The following PBX1 variants were observed in gnomAD, a reference collection of about 807,000 sequenced individuals.
The protein encoded by PBX1 is pre-B-cell leukemia transcription factor 1.
A neutral mutation model predicts 53.4 loss-of-function variants in PBX1; 6 were observed. The observed-to-expected ratio is 0.11, with a 90% CI of 0.06 to 0.22. The LOEUF (loss-of-function observed/expected upper bound fraction) is 0.22. PBX1 is among the 10% of genes least tolerant of loss of function. The pLI is 1.00. For missense variants in PBX1, 251 were observed against 551.4 expected (o/e 0.46, Z 5.46); for synonymous variants, 204 against 212.3 (o/e 0.96, Z 0.34).
At position 164,858,839 on chromosome 1, in the gene PBX1, C is replaced by T. The variant is rs147406181; in HGVS notation, n.257+27356C>T. ...GCAAAGTTGGTCTTGGACAAAACTA[C>T]GCTGTTATTGAAGTTTGTCTTCATA... is the stretch of plus-strand genomic sequence containing the variant. On this transcript the variant is annotated intron_variant and non_coding_transcript_variant, in intron 2 of 2. Coordinates refer to the PBX1 transcript ENST00000558796. Among the ~76,000 whole-genome samples, 270 of 152,312 alleles carry T rather than the reference C, an allele frequency of 1.8e-3. 2 individuals carry two copies. The highest frequency in any genetic ancestry group is 6.2e-3 in the African/African-American group (257 of 41,570).
intron 2 of PBX1, among the ~76,000 whole-genome samples, chr1:164,614,716 G>A (rs1484331590): frequency 1.3e-5 from 2 of 152,198 alleles, no homozygotes; most frequent in Non-Finnish European, 2.9e-5. Flanking sequence ...ATGACAAACA[G>A]GTTTTCTAGG....
At chr1:164,710,969 C>CTAG (rs961375352) in intron 2 of PBX1, among the ~76,000 whole-genome samples, 1 of 152,222 alleles carries the variant, frequency 6.6e-6, no homozygotes, top group African/African-American at 2.4e-5. Context: ...GAACCTTAGT[C>CTAG]TAGCAACAAT....
At chr1:164,855,015 A>G (rs1671948542), downstream of PBX1, among the ~76,000 whole-genome samples, 1 of 146,442 alleles carries the variant, frequency 6.8e-6, no homozygotes, top group Admixed American at 6.9e-5. Flanking sequence ...TGGCACGAAC[A>G]TGGCTCACTG....
rs974089445 is a variant in PBX1 at position 164,846,508 on chromosome 1, T to G, written c.1201-76T>G. The G allele has an allele frequency of 1.6e-5, 20 of 1,220,348 alleles. No homozygotes were observed. The African/African-American group carries it at 2.4e-4, about 14-fold the overall frequency. 75.6% of individuals were successfully genotyped at this position (1,220,348 alleles called of 1,614,324 possible). On this transcript the variant is annotated intron_variant, in intron 8 of 8. Transcript: ENST00000420696. ...ACTATGCTAGGTCCTTTACACAAGA[T>G]GCCTCATTGTCATTGTCTGCTGAAA... is the stretch of plus-strand genomic sequence containing the variant.
chr1:164,735,059 C>T (rs553471565), intron 2 of PBX1, among the ~76,000 whole-genome samples: 9 of 152,288 alleles, frequency 5.9e-5, no homozygotes, highest in African/African-American at 2.2e-4. Flanking sequence ...CAGTTATTTA[C>T]ACTATACTGC....
chr1:164,768,080 A>G (rs1465632118), intron 2 of PBX1, among the ~76,000 whole-genome samples: 1 of 152,158 alleles, frequency 6.6e-6, no homozygotes, highest in African/African-American at 2.4e-5. Flanking sequence ...CTAAGCCAAA[A>G]TATAGTACTC....
chr1:164,835,385 C>T (rs1670988305), intron 8 of PBX1, among the ~76,000 whole-genome samples: 1 of 151,840 alleles, frequency 6.6e-6, no homozygotes, highest in African/African-American at 2.4e-5. Context: ...AGTTTACAGT[C>T]TTTGTGATGT....
intron 2 of PBX1, among the ~76,000 whole-genome samples, chr1:164,567,253 G>T (rs1312439546): frequency 1.3e-5 from 2 of 152,156 alleles, no homozygotes; most frequent in Non-Finnish European, 2.9e-5. Flanking sequence ...TGCGGGAAGA[G>T]AATTCTGATG....
intron 2 of PBX1, among the ~76,000 whole-genome samples, chr1:164,866,701 G>A (rs1198407654): frequency 1.3e-5 from 2 of 152,174 alleles, no homozygotes; most frequent in African/African-American, 4.8e-5. Context: ...TGGATGAGTT[G>A]TTGATTATTT....
chr1:164,728,891 C>T (rs547985533), intron 2 of PBX1, among the ~76,000 whole-genome samples: 15 of 152,300 alleles, frequency 9.8e-5, no homozygotes, highest in African/African-American at 3.6e-4. Context: ...TGGGTGAGAA[C>T]TACAAAACCA....
chr1:164,835,143 A>G (rs1670970695), intron 8 of PBX1, among the ~76,000 whole-genome samples: 1 of 152,154 alleles, frequency 6.6e-6, no homozygotes, highest in African/African-American at 2.4e-5. Flanking sequence ...TCTCAAGCAT[A>G]ACTTTAAATA....
chr1:164,758,750 C>G lies in PBX1; in HGVS notation c.266-33744C>G, dbSNP rs113356760. Among the ~76,000 whole-genome samples, 815 of 151,824 alleles carry G rather than the reference C, an allele frequency of 5.4e-3. 8 individuals are homozygous for G. Among genetic ancestry groups the G allele is most frequent in the African/African-American group, 0.018 (747 of 41,348 alleles). The stretch of plus-strand genomic sequence containing the variant: ...TTTCATGCTCCTTCCAGCCAAGAAG[C>G]TGGAAACTAAAATCCCTTTTCTTTT... On this transcript the variant is annotated intron_variant, in intron 2 of 8. Transcript: ENST00000420696.
chr1:164,623,160 T>C (rs1657801905), intron 2 of PBX1, among the ~76,000 whole-genome samples: 1 of 152,152 alleles, frequency 6.6e-6, no homozygotes, highest in Non-Finnish European at 1.5e-5. Flanking sequence ...CTTCTCTAGA[T>C]GTAGCATGTC....
In PBX1 at chr1:164,582,244, A is replaced by G. The variant is rs954136915; in HGVS notation, c.265+18933A>G. Reference sequence around the variant, plus strand: ...ACTAGTCTAGGACCTTGTTCAGTCCATATCCTAGAAAGGTTGGCTACAGAT... The same window carrying G: ...ACTAGTCTAGGACCTTGTTCAGTCCGTATCCTAGAAAGGTTGGCTACAGAT... On this transcript the variant is annotated intron_variant, in intron 2 of 8. Transcript: ENST00000420696. 3.9e-5 allele frequency among the ~76,000 whole-genome samples: 6 copies of G among 152,290 alleles called. No individual in the cohort carries two copies. The East Asian group carries it at 9.6e-4, about 24-fold the overall frequency.
intron 2 of PBX1, among the ~76,000 whole-genome samples, chr1:164,629,304 A>G (rs1481485216): frequency 6.6e-6 from 1 of 152,190 alleles, no homozygotes; most frequent in East Asian, 1.9e-4. Flanking sequence ...CATAGTAAAT[A>G]CTGTGGCAAG....
At position 164,848,455 on chromosome 1, in the gene PBX1, G is replaced by A. The variant is rs1207136710; in HGVS notation, c.*1779G>A. ...TCCAATCTGTAAATGCGAAGTCAGG[G>A]GAAGTAATGTCCCTGAAATAAACGG... On this transcript the variant is annotated 3_prime_UTR_variant, in exon 9 of 9. Transcript: ENST00000420696. 1 of 1,056,844 alleles carries A rather than the reference G, an allele frequency of 9.5e-7. No homozygotes were observed. The highest frequency in any genetic ancestry group is 5.3e-5 in the East Asian group (1 of 19,044). 65.5% of individuals were successfully genotyped at this position (1,056,844 alleles called of 1,614,324 possible).
intron 2 of PBX1, among the ~76,000 whole-genome samples, chr1:164,688,133 G>C (rs1240412776): frequency 6.6e-6 from 1 of 152,154 alleles, no homozygotes; most frequent in African/African-American, 2.4e-5. Context: ...TGCATCTCAT[G>C]CTATCTTTTC....
intron 2 of PBX1, among the ~76,000 whole-genome samples, chr1:164,603,842 A>G (rs761691549): frequency 6.7e-6 from 1 of 149,862 alleles, no homozygotes; most frequent in South Asian, 2.1e-4. Flanking sequence ...AATTGTATCT[A>G]TCTATGAAAT....
intron 2 of PBX1, among the ~76,000 whole-genome samples, chr1:164,618,981 G>A (rs1410799809): frequency 6.6e-6 from 1 of 152,150 alleles, no homozygotes; most frequent in Non-Finnish European, 1.5e-5. Flanking sequence ...TGTTTTTAGC[G>A]CTTATGTACC....
Sources: gnomAD v4.1 joint callset for allele counts (sites outside exome capture counted in the v4.1 genomes callset) on GRCh38, gnomAD v4.1.1 for gene constraint, MANE v1.5 for transcripts, NCBI Gene and HGNC (gene_info 2026-07-23, HGNC 2026-07-21) for gene names.